The following SGCZ variants were observed in gnomAD, a reference collection of about 807,000 sequenced individuals.
SGCZ encodes the protein sarcoglycan zeta, also known as zeta-sarcoglycan.
Under a neutral mutation model 41.3 loss-of-function variants are expected in SGCZ, and 40 were observed. The observed-to-expected ratio is 0.97, with a 90% CI of 0.75 to 1.26. SGCZ has a LOEUF of 1.26. Ranked by LOEUF, SGCZ falls within the 50% of genes most tolerant of loss-of-function variation. The pLI is 0.00. For synonymous variants in SGCZ, 206 were observed against 137.5 expected (o/e 1.50, Z -3.49); for missense variants, 552 against 369.8 (o/e 1.49, Z -4.04).
intron 1 of SGCZ, among the ~76,000 whole-genome samples, chr8:14,892,908 G>A (rs1376752086): frequency 6.6e-6 from 1 of 152,124 alleles, no homozygotes; most frequent in Non-Finnish European, 1.5e-5. Flanking sequence ...GCACTGCTTA[G>A]ACCAAGAAGT....
chr8:14,720,343 C>T (rs1025947128), intron 1 of SGCZ, among the ~76,000 whole-genome samples: 1 of 151,950 alleles, frequency 6.6e-6, no homozygotes, highest in Non-Finnish European at 1.5e-5. Context: ...CTATCACTAA[C>T]TGTAAATGAT....
At chr8:15,176,166 G>T (rs1799995174) in intron 1 of SGCZ, among the ~76,000 whole-genome samples, 1 of 152,136 alleles carries the variant, frequency 6.6e-6, no homozygotes, top group South Asian at 2.1e-4. Flanking sequence ...TCAAAGCTCA[G>T]TTAAATAGGT....
chr8:14,282,252 A>G (rs373001045), intron 3 of SGCZ, among the ~76,000 whole-genome samples: 36 of 152,126 alleles, frequency 2.4e-4, no homozygotes, highest in East Asian at 1.9e-3. Context: ...TTTAAAGGCT[A>G]TTAATTATCA....
chr8:14,934,697 A>C (rs1014444466), intron 1 of SGCZ, among the ~76,000 whole-genome samples: 1 of 151,810 alleles, frequency 6.6e-6, no homozygotes, highest in East Asian at 1.9e-4. Flanking sequence ...ATAAAGGATA[A>C]TTTTTTAAAG....
intron 1 of SGCZ, among the ~76,000 whole-genome samples, chr8:14,679,420 G>C (rs1808372149): frequency 6.6e-6 from 1 of 151,714 alleles, no homozygotes. Context: ...CAGTGACATT[G>C]ATGATCCTGA....
At chr8:14,762,511 T>C (rs1585239437) in intron 1 of SGCZ, among the ~76,000 whole-genome samples, 1 of 152,306 alleles carries the variant, frequency 6.6e-6, no homozygotes, top group East Asian at 1.9e-4. Flanking sequence ...GCCCAACATA[T>C]AGTAAGTACT....
chr8:14,357,437 A>G (rs914817801), intron 2 of SGCZ, among the ~76,000 whole-genome samples: 1 of 152,234 alleles, frequency 6.6e-6, no homozygotes, highest in African/African-American at 2.4e-5. Context: ...TAGTTATAAC[A>G]TTGACAATAA....
At chr8:14,467,826 T>G (rs1801096069) in intron 2 of SGCZ, among the ~76,000 whole-genome samples, 1 of 152,070 alleles carries the variant, frequency 6.6e-6, no homozygotes, top group Admixed American at 6.6e-5. Context: ...TTGATGAAAA[T>G]GACATCTTCT....
chr8:14,994,816 T>C (rs1208319753), intron 1 of SGCZ, among the ~76,000 whole-genome samples: 3 of 152,286 alleles, frequency 2.0e-5, no homozygotes, highest in Admixed American at 1.3e-4. Context: ...CCCAGCTTCA[T>C]TTCTCAAATA....
chr8:14,416,848 G>C (rs934750713), intron 2 of SGCZ, among the ~76,000 whole-genome samples: 2 of 151,790 alleles, frequency 1.3e-5, no homozygotes, highest in African/African-American at 2.4e-5. Context: ...AGATTAAGTA[G>C]AATAATGAGT....
In SGCZ at chr8:14,637,062, A is replaced by G. The variant is rs1316924740; in HGVS notation, c.40-82136T>C. 2.0e-5 allele frequency among the ~76,000 whole-genome samples: 3 copies of G among 151,176 alleles called. No homozygotes were observed. The Admixed American group carries it at 2.0e-4, about 10-fold the overall frequency. Reference sequence around the variant, plus strand: ...CTCCTATTTTTTTTCTTTTTCATACATTCTGGATTCGTGTTTCACTCTCTC... The same window carrying G: ...CTCCTATTTTTTTTCTTTTTCATACGTTCTGGATTCGTGTTTCACTCTCTC... On this transcript the variant is annotated intron_variant, in intron 1 of 7. Coordinates refer to ENST00000382080, the MANE Select transcript of SGCZ (RefSeq NM_139167.4).
chr8:14,513,412 G>C (rs1585616420), intron 2 of SGCZ, among the ~76,000 whole-genome samples: 1 of 145,356 alleles, frequency 6.9e-6, no homozygotes, highest in African/African-American at 2.6e-5. Flanking sequence ...TGTTTTCAAA[G>C]ACCAAAATAA....
chr8:14,588,735 AAGAAATGT>A (rs1372737730), intron 1 of SGCZ, among the ~76,000 whole-genome samples: 3 of 152,192 alleles, frequency 2.0e-5, no homozygotes, highest in Non-Finnish European at 4.4e-5. Flanking sequence ...AATTCTCAAC[AAGAAATGT>A]AGTCTGTGTA....
At chr8:14,237,484 A>AAACAACAAC (rs71541654) in intron 4 of SGCZ, 108 bp downstream of exon 4, 3 of 890,148 alleles carry the variant, frequency 3.4e-6, no homozygotes, top group Non-Finnish European at 3.5e-6. Context: ...CTCTGTCTCA[A>AAACAACAAC]AACAACAACA....
At chr8:14,544,026 A>G (rs1032190480) in intron 2 of SGCZ, among the ~76,000 whole-genome samples, 1 of 152,136 alleles carries the variant, frequency 6.6e-6, no homozygotes, top group Non-Finnish European at 1.5e-5. Flanking sequence ...CCCCGAGCAC[A>G]GAGTAATTAT....
chr8:14,996,035 C>G (rs564726176), intron 1 of SGCZ, among the ~76,000 whole-genome samples: 3 of 152,130 alleles, frequency 2.0e-5, no homozygotes, highest in African/African-American at 7.2e-5. Context: ...TCCCGAGTAG[C>G]TGAGACTACA....
At chr8:14,651,158 A>G (rs769166705) in intron 1 of SGCZ, among the ~76,000 whole-genome samples, 15 of 152,086 alleles carry the variant, frequency 9.9e-5, no homozygotes, top group Admixed American at 3.3e-4. Flanking sequence ...CATCTTGCCA[A>G]TGTTTACATT....
intron 5 of SGCZ, among the ~76,000 whole-genome samples, chr8:14,153,281 A>C (rs1266098593): frequency 6.6e-6 from 1 of 152,096 alleles, no homozygotes; most frequent in Non-Finnish European, 1.5e-5. Flanking sequence ...TCCCCCATAA[A>C]CTCAGGATTT....
At position 14,982,992 on chromosome 8, in the gene SGCZ, C is replaced by A. The variant is rs528592250; in HGVS notation, c.39+254593G>T. ...TTTAGCCACCTATTAGCTATTTGGC[C>A]TGGAGTAAGTCATTGAATCATTTGG... is the stretch of plus-strand genomic sequence containing the variant. On this transcript the variant is annotated intron_variant, in intron 1 of 7. Transcript: ENST00000382080. Among the ~76,000 whole-genome samples, 6 of 152,248 alleles carry A rather than the reference C, an allele frequency of 3.9e-5. No homozygotes were observed. The South Asian group carries it at 1.0e-3, about 26-fold the overall frequency.
Sources: allele counts gnomAD v4.1 joint callset (sites outside exome capture counted in the v4.1 genomes callset), GRCh38; gene constraint gnomAD v4.1.1; transcripts MANE v1.5; gene names NCBI Gene and HGNC (gene_info 2026-07-23, HGNC 2026-07-21).